NIBAN1: variants seen among roughly 807,000 people sequenced by gnomAD.
The protein encoded by NIBAN1 is niban apoptosis regulator 1.
In NIBAN1, 81 loss-of-function variants were observed where a neutral mutation model predicts 75.1. The ratio of observed to expected loss-of-function variants is 1.08; its 90% CI spans 0.90 to 1.30. The LOEUF (loss-of-function observed/expected upper bound fraction) is 1.30, where lower values mean the gene tolerates loss of function less well. NIBAN1 is among the 50% of genes most tolerant of loss of function. The probability of loss-of-function intolerance (pLI) is 0.00; values close to 1 mark genes in which losing one functional copy is unlikely to be tolerated. For synonymous variants in NIBAN1, 436 were observed against 424.8 expected (o/e 1.03, Z -0.32); for missense variants, 1,133 against 1,128.1 (o/e 1.00, Z -0.06).
chr1:184,910,998 T>TA (rs1181458847), intron 1 of NIBAN1, among the ~76,000 whole-genome samples: 1 of 152,026 alleles, frequency 6.6e-6, no homozygotes, highest in Non-Finnish European at 1.5e-5. Context: ...GCCTCCAGCT[T>TA]ACCAGCTGCA....
intron 5 of NIBAN1, among the ~76,000 whole-genome samples, chr1:184,851,877 G>A (rs530518999): frequency 1.4e-4 from 21 of 151,294 alleles, no homozygotes; most frequent in Non-Finnish European, 5.9e-5. Context: ...TTATGACCAT[G>A]GTTGATATTT....
chr1:184,925,538 G>T, intron 1 of NIBAN1, among the ~76,000 whole-genome samples: 1 of 151,688 alleles, frequency 6.6e-6, no homozygotes. Flanking sequence ...TTTCTCCAGT[G>T]GTGTTTTTAA....
In NIBAN1 at chr1:184,868,186, G is replaced by A. The variant is rs376028662; in HGVS notation, c.601+16447C>T. The A allele has an allele frequency of 3.5e-5, 11 of 315,918 alleles. No individual in the cohort carries two copies. In the East Asian group the frequency reaches 1.0e-3, roughly 29 times the overall value. The allele number at this position is 315,918 out of a possible 1,614,324, so 19.6% of individuals were successfully genotyped here. ...TTTCTAAGCCTCTTAAAATAGAAAT[G>A]TCCCACTAACACCCAGACGTTGTTG... is the stretch of plus-strand genomic sequence containing the variant. On this transcript the variant is annotated intron_variant, in intron 5 of 13. Transcript: ENST00000367511.
chr1:184,959,359 G>A (rs1658572082), intron 1 of NIBAN1, among the ~76,000 whole-genome samples: 1 of 152,178 alleles, frequency 6.6e-6, no homozygotes. Flanking sequence ...CTGGAGACTA[G>A]GAAGATTTTT....
At chr1:184,903,134 A>C (rs1232854158) in intron 1 of NIBAN1, among the ~76,000 whole-genome samples, 1 of 152,234 alleles carries the variant, frequency 6.6e-6, no homozygotes, top group East Asian at 1.9e-4. Context: ...TAAATTGTTT[A>C]TAAAACACAG....
intron 1 of NIBAN1, among the ~76,000 whole-genome samples, chr1:184,918,240 T>C (rs921293063): frequency 6.6e-6 from 1 of 152,164 alleles, no homozygotes; most frequent in African/African-American, 2.4e-5. Context: ...TGGGGATCTC[T>C]CTCAAAAGCA....
intron 1 of NIBAN1, among the ~76,000 whole-genome samples, chr1:184,914,089 T>C (rs1657318617): frequency 6.6e-6 from 1 of 152,322 alleles, no homozygotes; most frequent in Middle Eastern, 3.4e-3. Flanking sequence ...GAGCAAACTT[T>C]CAATCCTTTC....
At chr1:184,864,367 T>C (rs758358507) in intron 5 of NIBAN1, among the ~76,000 whole-genome samples, 4 of 152,240 alleles carry the variant, frequency 2.6e-5, no homozygotes, top group Non-Finnish European at 5.9e-5. Context: ...TTCATTTTTA[T>C]TTTCTTCCTC....
chr1:184,859,019 T>C (rs1655747798), intron 5 of NIBAN1, among the ~76,000 whole-genome samples: 1 of 151,036 alleles, frequency 6.6e-6, no homozygotes, highest in Non-Finnish European at 1.5e-5. Context: ...TTGAGAAAAA[T>C]ATGGAAAGAT....
chr1:184,805,681 C>A (rs2273850), intron 11 of NIBAN1, among the ~76,000 whole-genome samples: 93 of 152,208 alleles, frequency 6.1e-4, no homozygotes, highest in Middle Eastern at 6.8e-3. Context: ...ACGTGTTTGT[C>A]GAGTTGGATC....
chr1:184,947,259 G>A (rs1178640807), intron 1 of NIBAN1, among the ~76,000 whole-genome samples: 1 of 152,100 alleles, frequency 6.6e-6, no homozygotes, highest in African/African-American at 2.4e-5. Context: ...TGAAGGTAGG[G>A]TGCTGTAGTA....
At chr1:184,923,259 G>T (rs1156232722) in intron 1 of NIBAN1, among the ~76,000 whole-genome samples, 1 of 152,172 alleles carries the variant, frequency 6.6e-6, no homozygotes, top group Non-Finnish European at 1.5e-5. Flanking sequence ...AGAGGTAGGG[G>T]TCTAGTTTCA....
chr1:184,830,058 C>T (rs1557880304), intron 6 of NIBAN1, among the ~76,000 whole-genome samples: 1 of 152,170 alleles, frequency 6.6e-6, no homozygotes, highest in South Asian at 2.1e-4. Context: ...GCACATTGCC[C>T]GGCATAGAGT....
intron 5 of NIBAN1, among the ~76,000 whole-genome samples, chr1:184,872,129 T>C (rs559515634): frequency 6.6e-6 from 1 of 152,230 alleles, no homozygotes; most frequent in Non-Finnish European, 1.5e-5. Context: ...ATATTAAAAT[T>C]AGCAAACACG....
In NIBAN1 at chr1:184,923,998, G is replaced by T. The variant is rs1016138419; in HGVS notation, c.56-24689C>A. 3.3e-5 allele frequency among the ~76,000 whole-genome samples: 5 copies of T among 149,798 alleles called. No homozygotes were observed. The East Asian group carries it at 9.9e-4, about 30-fold the overall frequency. The stretch of plus-strand genomic sequence containing the variant: ...GGTAGAGTCTTCATATTTTTCTAAA[G>T]ATAAGATCATGTCATCTACAAACAA... On this transcript the variant is annotated intron_variant, in intron 1 of 13. Transcript: ENST00000367511.
intron 1 of NIBAN1, among the ~76,000 whole-genome samples, chr1:184,918,909 C>T (rs1657460448): frequency 6.6e-6 from 1 of 152,168 alleles, no homozygotes; most frequent in Admixed American, 6.5e-5. Flanking sequence ...TCCACCCTCC[C>T]AACATCCTCC....
At chr1:184,905,155 G>A (rs1294329903) in intron 1 of NIBAN1, among the ~76,000 whole-genome samples, 1 of 152,094 alleles carries the variant, frequency 6.6e-6, no homozygotes, top group Non-Finnish European at 1.5e-5. Flanking sequence ...GAAGTGGCCG[G>A]AGTCCAGGGC....
chr1:184,824,196 T>C (rs180784032), intron 6 of NIBAN1, among the ~76,000 whole-genome samples: 45 of 152,192 alleles, frequency 3.0e-4, no homozygotes, highest in African/African-American at 1.0e-3. Flanking sequence ...ATGATCAAGG[T>C]ATCAAAGTAT....
rs140614932 is a variant in NIBAN1, at chr1:184,867,208, A to C, written c.601+17425T>G. 1.9e-3 allele frequency among the ~76,000 whole-genome samples: 286 copies of C among 152,002 alleles called. 1 individual carries two copies. The highest frequency in any genetic ancestry group is 6.7e-3 in the African/African-American group (276 of 41,460). ...CCCCTACACACAAACACACACACAC[A>C]CACACCCCAAAAGTGTCTCAGCTAT... On this transcript the variant is annotated intron_variant, in intron 5 of 13. Transcript: ENST00000367511.
Sources: gnomAD v4.1 joint callset for allele counts (sites outside exome capture counted in the v4.1 genomes callset) on GRCh38, gnomAD v4.1.1 for gene constraint, MANE v1.5 for transcripts, NCBI Gene and HGNC (gene_info 2026-07-23, HGNC 2026-07-21) for gene names.